The following SLCO1C1 variants were observed in gnomAD, a reference collection of about 807,000 sequenced individuals.
SLCO1C1 encodes the protein OAT-RP-5.
In SLCO1C1, 70 loss-of-function variants were observed where a neutral mutation model predicts 76.4. The ratio of observed to expected loss-of-function variants is 0.92; its 90% CI spans 0.76 to 1.12. SLCO1C1 has a LOEUF of 1.12. Among genes scored for constraint, SLCO1C1 ranks in the 50% most tolerant of loss-of-function variants. The pLI is 0.00. For missense variants in SLCO1C1, 912 were observed against 823.8 expected (o/e 1.11, Z -1.31); for synonymous variants, 306 against 286.1 (o/e 1.07, Z -0.70).
intron 3 of SLCO1C1, among the ~76,000 whole-genome samples, chr12:20,704,340 G>C (rs76731314): frequency 0.64 from 96,241 of 150,482 alleles, 30,994 homozygotes; most frequent in East Asian, 0.81. Flanking sequence ...AAACAGAAGT[G>C]TTTATTGTGT....
At chr12:20,750,432 G>A (rs1332390759) in intron 13 of SLCO1C1, among the ~76,000 whole-genome samples, 7 of 152,162 alleles carry the variant, frequency 4.6e-5, no homozygotes, top group African/African-American at 1.4e-4. Flanking sequence ...TTGAGCTCAT[G>A]TTGAGTTTGA....
intron 9 of SLCO1C1, among the ~76,000 whole-genome samples, chr12:20,726,655 G>A (rs1189056344): frequency 2.6e-5 from 4 of 151,998 alleles, no homozygotes; most frequent in African/African-American, 9.7e-5. Flanking sequence ...TGGATAGGCA[G>A]CTAGATTTTC....
In SLCO1C1 at chr12:20,719,100, CTAT is replaced by C. The variant is rs71039975; in HGVS notation, c.775+1900_775+1902del. On this transcript the variant is annotated intron_variant, in intron 7 of 14. Transcript: ENST00000266509. ...ATTCTCCTAATATCGCAAGCTTTTA[CTAT>C]TATTATTATTATTATTATTATTATT... Among the ~76,000 whole-genome samples, 883 of 145,614 alleles carry C rather than the reference CTAT, an allele frequency of 6.1e-3. 2 individuals carry two copies. Among genetic ancestry groups the C allele is most frequent in the Middle Eastern group, 0.018 (5 of 276 alleles).
intron 10 of SLCO1C1, among the ~76,000 whole-genome samples, chr12:20,736,279 A>G (rs1948533181): frequency 6.7e-6 from 1 of 149,794 alleles, no homozygotes; most frequent in African/African-American, 2.4e-5. Flanking sequence ...AAAAAAATGA[A>G]GGAGAAAAGA....
intron 7 of SLCO1C1, among the ~76,000 whole-genome samples, chr12:20,720,612 A>T (rs913042420): frequency 6.6e-6 from 1 of 152,206 alleles, no homozygotes; most frequent in African/African-American, 2.4e-5. Flanking sequence ...ACTTTAGTGG[A>T]GAAAGTAAGT....
At chr12:20,721,190 C>T (rs1947651653) in intron 7 of SLCO1C1, among the ~76,000 whole-genome samples, 1 of 152,094 alleles carries the variant, frequency 6.6e-6, no homozygotes, top group Non-Finnish European at 1.5e-5. Flanking sequence ...AGAAGATTGA[C>T]TCCAATTTTG....
intron 7 of SLCO1C1, among the ~76,000 whole-genome samples, chr12:20,718,597 A>G (rs938021822): frequency 2.0e-5 from 3 of 152,172 alleles, no homozygotes; most frequent in African/African-American, 4.8e-5. Context: ...TTAGTATCAT[A>G]ATGAGAGGTT....
chr12:20,719,214 T>C lies in SLCO1C1; in HGVS notation c.775+1984T>C, dbSNP rs1163496535. ...TTTTGGGGCACCACAATTGTGCCCATATAAGACAGCAAATTTAATTGATAA... is the reference window on the plus strand; with the variant it reads ...TTTTGGGGCACCACAATTGTGCCCACATAAGACAGCAAATTTAATTGATAA... On this transcript the variant is annotated intron_variant, in intron 7 of 14. Transcript: ENST00000266509. Among the ~76,000 whole-genome samples, 17 of 152,026 alleles carry C rather than the reference T, an allele frequency of 1.1e-4. 1 individual carries two copies. The highest frequency in any genetic ancestry group is 1.1e-3 in the Admixed American group (17 of 15,244).
chr12:20,752,673 T>A lies in SLCO1C1; in HGVS notation c.*145T>A. The A allele has an allele frequency of 1.8e-6, 1 of 558,912 alleles. No homozygotes were observed. The highest frequency in any genetic ancestry group is 3.0e-6 in the Non-Finnish European group (1 of 330,076). 34.6% of individuals were successfully genotyped at this position (558,912 alleles called of 1,614,324 possible). On this transcript the variant is annotated 3_prime_UTR_variant, in exon 15 of 15. Transcript: ENST00000266509. The stretch of plus-strand genomic sequence containing the variant: ...TTTTGGTCCTAGGCATTAGGTAATA[T>A]AACTGATAATATACTGAAACATATA...
At chr12:20,748,454 C>A (rs10841603) in intron 13 of SLCO1C1, among the ~76,000 whole-genome samples, 3,535 of 152,210 alleles carry the variant, frequency 0.023, 110 homozygotes, top group East Asian at 0.094. Flanking sequence ...TCTACTAGAG[C>A]AAATCTATAT....
intron 11 of SLCO1C1, among the ~76,000 whole-genome samples, chr12:20,738,279 C>A (rs1285958951): frequency 6.6e-6 from 1 of 152,164 alleles, no homozygotes; most frequent in African/African-American, 2.4e-5. Flanking sequence ...TCACCCTTCT[C>A]AGCACACCTT....
rs1378105956 is a variant in SLCO1C1 at position 20,740,790 on chromosome 12, T to TATATAA, written c.1733+427_1733+428insAATATA. 9.1e-4 allele frequency among the ~76,000 whole-genome samples: 98 copies of TATATAA among 107,446 alleles called. 4 individuals carry two copies. Among genetic ancestry groups the TATATAA allele is most frequent in the African/African-American group, 3.6e-3 (96 of 26,424 alleles). 70.5% of individuals were successfully genotyped at this position (107,446 alleles called of 152,430 possible). A position where few individuals can be genotyped will look rare whatever the true frequency, so the allele number is the denominator to read the frequency against. ...ACAATGTTAGAATTTATTTTATTTA[T>TATATAA]ATATATATATATATATATATATATA... On this transcript the variant is annotated intron_variant, in intron 12 of 14. Transcript: ENST00000266509.
At position 20,711,554 on chromosome 12, in the gene SLCO1C1, A is replaced by G. The variant is rs766138871; in HGVS notation, c.529+44A>G. 4 of 1,597,616 alleles carry G rather than the reference A, an allele frequency of 2.5e-6. No homozygotes were observed. In the East Asian group the frequency reaches 9.0e-5, roughly 36 times the overall value. ...CTTGACTAAACAAGCTTTTAAAAAA[A>G]AGACTTTATATGTGCTTTAGGATGG... On this transcript the variant is annotated intron_variant, in intron 5 of 14. Transcript: ENST00000266509.
At chr12:20,723,047 G>C in intron 8 of SLCO1C1, 43 bp from the exon 9 acceptor site, 3 of 1,557,564 alleles carry the variant, frequency 1.9e-6, no homozygotes, top group Non-Finnish European at 2.6e-6. Flanking sequence ...TCTTCCATGC[G>C]TGACACCAAC....
intron 2 of SLCO1C1, 63 bp from the exon 3 acceptor site, chr12:20,701,255 A>G: frequency 7.3e-7 from 1 of 1,371,208 alleles, no homozygotes; most frequent in Non-Finnish European, 9.6e-7. Flanking sequence ...TTGTCTATTT[A>G]CTTAGTTTCC....
At chr12:20,707,589 C>G (rs1210880288) in intron 4 of SLCO1C1, among the ~76,000 whole-genome samples, 1 of 152,106 alleles carries the variant, frequency 6.6e-6, no homozygotes, top group East Asian at 1.9e-4. Flanking sequence ...TAATTCCTAG[C>G]TGATAATGCC....
Position 20,721,879 on chromosome 12 carries a change from T to A in SLCO1C1, c.851T>A (p.Ile284Lys), listed in dbSNP as rs1175656389. The change falls in exon 8 of 15, where the codon ATA becomes AAA. Residue 284 changes from isoleucine (I) to lysine (K), a missense_variant. Coordinates refer to ENST00000266509, the MANE Select transcript of SLCO1C1 (RefSeq NM_017435.5). Reference protein sequence around the residue: ...WWLGYLIAGIISLLAAVPFWY... With the variant: ...WWLGYLIAGIKSLLAAVPFWY... ...CTTGGCTATCTAATAGCAGGAATCATAAGTCTTCTTGCAGCTGTGCCTTTC... is the reference window on the plus strand; with the variant it reads ...CTTGGCTATCTAATAGCAGGAATCAAAAGTCTTCTTGCAGCTGTGCCTTTC... 2.2e-5 allele frequency: 36 copies of A among 1,614,044 alleles called. No homozygotes were observed. Among genetic ancestry groups the A allele is most frequent in the Non-Finnish European group, 3.1e-5 (36 of 1,180,018 alleles).
chr12:20,718,416 T>G (rs1947489184), intron 7 of SLCO1C1, among the ~76,000 whole-genome samples: 1 of 152,218 alleles, frequency 6.6e-6, no homozygotes, highest in Admixed American at 6.5e-5. Flanking sequence ...TGTCAATACT[T>G]ACTTTTTAGT....
chr12:20,749,235 A>G (rs2120933127), intron 13 of SLCO1C1, among the ~76,000 whole-genome samples: 1 of 152,364 alleles, frequency 6.6e-6, no homozygotes, highest in African/African-American at 2.4e-5. Flanking sequence ...ATAAGCATAC[A>G]AAGCAATTTT....
Sources: gnomAD v4.1 joint callset for allele counts (sites outside exome capture counted in the v4.1 genomes callset) on GRCh38, gnomAD v4.1.1 for gene constraint, MANE v1.5 for transcripts, NCBI Gene and HGNC (gene_info 2026-07-23, HGNC 2026-07-21) for gene names.